STAB1: variants seen among roughly 807,000 people sequenced by gnomAD.
The protein encoded by STAB1 is stabilin 1.
STAB1 carries 250 observed loss-of-function variants against 332.4 expected under a neutral mutation model. The observed-to-expected ratio is 0.75, with a 90% CI of 0.68 to 0.84. The LOEUF (loss-of-function observed/expected upper bound fraction) is 0.84, where lower values mean the gene tolerates loss of function less well. STAB1 is among the 40% of genes least tolerant of loss of function. STAB1 has a pLI of 0.00. For synonymous variants in STAB1, 1,475 were observed against 1,390.4 expected, an observed-to-expected ratio of 1.06 and a Z score of -1.35; for missense variants, 3,249 against 3,489.7, an observed-to-expected ratio of 0.93 and a Z score of 1.74.
chr3:52,505,550 C>A, intron 14 of STAB1, 118 bp from the exon 15 acceptor site: 2 of 1,216,754 alleles, frequency 1.6e-6, no homozygotes, highest in Non-Finnish European at 2.3e-6. Flanking sequence ...ACCCATTGCC[C>A]ATGTCTCCCC....
At position 52,495,465 on chromosome 3, in the gene STAB1, G is replaced by A; in HGVS notation, c.52G>A (p.Ala18Thr). ...ACTCTGCCTCCTGGCCTTCTGCCTG[G>A]CAGGCTTCAGCTTCGTCAGGGGGCA... Reference protein sequence around the residue: ...LPLCLLAFCLAGFSFVRGQVL... With the variant: ...LPLCLLAFCLTGFSFVRGQVL... The change falls in exon 1 of 69, where the codon GCA becomes ACA. Residue 18 changes from alanine (A) to threonine (T), a missense_variant. By Grantham distance (58) the Ala-to-Thr change is moderately conservative. Transcript: ENST00000321725. 7.5e-7 allele frequency: 1 copy of A among 1,340,706 alleles called. No individual in the cohort carries two copies. Among genetic ancestry groups the A allele is most frequent in the Non-Finnish European group, 9.6e-7 (1 of 1,038,818 alleles). 83.1% of individuals were successfully genotyped at this position (1,340,706 alleles called of 1,614,324 possible).
intron 1 of STAB1, among the ~76,000 whole-genome samples, chr3:52,495,896 G>A (rs574114926): frequency 6.9e-4 from 105 of 152,308 alleles, no homozygotes; most frequent in African/African-American, 2.5e-3. Context: ...GTGTGCACAT[G>A]TGTGTGCCTG....
intron 30 of STAB1, 44 bp from the exon 31 acceptor site, chr3:52,513,673 C>T: frequency 1.9e-6 from 3 of 1,587,816 alleles, no homozygotes; most frequent in Non-Finnish European, 2.6e-6. Context: ...CTTTAAGGGT[C>T]TATCTGTGCC....
At chr3:52,514,586 C>CAACCTCT in intron 34 of STAB1, 90 bp downstream of exon 34, 1 of 1,556,442 alleles carries the variant, frequency 6.4e-7, no homozygotes, top group Non-Finnish European at 8.7e-7. Flanking sequence ...TGTGAGCCTC[C>CAACCTCT]AACCTCTAAC....
At chr3:52,502,129 G>T (rs1708495664) in intron 4 of STAB1, 30 bp from the exon 5 acceptor site, 14 of 1,613,442 alleles carry the variant, frequency 8.7e-6, no homozygotes, top group Non-Finnish European at 1.2e-5. Context: ...GCTCAGAGGG[G>T]CCACGCTGAC....
At chr3:52,513,648 T>C in intron 30 of STAB1, 69 bp from the exon 31 acceptor site, 3 of 1,501,968 alleles carry the variant, frequency 2.0e-6, no homozygotes, top group Non-Finnish European at 2.7e-6. Flanking sequence ...AGTCTCTCTG[T>C]TGGGGCTGCC....
rs762849934 is a variant in STAB1, at chr3:52,504,564, A to G, written c.1239+15A>G. ...GGACCATGAATGTAAGCCCCTCCCC[A>G]TGGTGGAGCTGGCCACTGGCCCTCA... On this transcript the variant is annotated intron_variant, in intron 11 of 68. Transcript: ENST00000321725. 1.9e-6 allele frequency: 3 copies of G among 1,613,322 alleles called. No homozygotes were observed. Among genetic ancestry groups the G allele is most frequent in the Non-Finnish European group, 2.5e-6 (3 of 1,179,632 alleles).
Position 52,503,870 on chromosome 3 carries a change from C to T in STAB1, c.990C>T (p.Ala330=). Residue 330 remains alanine (A), a synonymous_variant, in exon 9 of 69, where the codon GCC becomes GCT. Transcript: ENST00000321725. ...FCSPFSCDRS[A]TCQVTADGKT... is the part of the protein sequence containing the mutation. ...CCCCCTTCTCCTGCGACCGGTCTGC[C>T]ACTTGCCAGGTGACCGCTGATGGGA... 2 of 1,613,234 alleles carry T rather than the reference C, an allele frequency of 1.2e-6. No homozygotes were observed. Among genetic ancestry groups the T allele is most frequent in the Non-Finnish European group, 1.7e-6 (2 of 1,180,024 alleles).
chr3:52,505,298 C>G (rs1266730196), intron 13 of STAB1, 21 bp from the exon 14 acceptor site: 16 of 1,613,254 alleles, frequency 9.9e-6, no homozygotes, highest in African/African-American at 2.7e-5. Flanking sequence ...CTGGGGCCCT[C>G]ACACTCATCC....
Position 52,524,163 on chromosome 3 carries a change from T to C in STAB1, c.7606T>C (p.Ser2536Pro). Residue 2536 changes from serine (S) to proline (P), a missense_variant, in exon 68 of 69, where the codon TCT becomes CCT. Coordinates refer to ENST00000321725, the MANE Select transcript of STAB1 (RefSeq NM_015136.3). ...WQEGTNPTLV[S>P]VPNPVFGSDT... ...AGAAGGGACCAACCCCACCCTGGTC[T>C]CTGTCCCCAACCCTGTCTTTGGCAG... The C allele has an allele frequency of 6.2e-7, 1 of 1,614,090 alleles. No homozygotes were observed.
intron 1 of STAB1, among the ~76,000 whole-genome samples, chr3:52,498,476 G>A (rs1458187292): frequency 2.0e-5 from 3 of 152,268 alleles, no homozygotes; most frequent in Non-Finnish European, 4.4e-5. Flanking sequence ...AAGCACTGAT[G>A]TGGCAGCAGG....
chr3:52,507,180 G>C (rs1708937076), intron 18 of STAB1, among the ~76,000 whole-genome samples: 1 of 152,240 alleles, frequency 6.6e-6, no homozygotes, highest in African/African-American at 2.4e-5. Context: ...GAGTAGCTGG[G>C]ATTACAGGTG....
At position 52,523,941 on chromosome 3, in the gene STAB1, TGCTTG is replaced by T; in HGVS notation, c.7473_7477del (p.Leu2492GlyfsTer25). The stretch of plus-strand genomic sequence containing the variant: ...GGGGCTGTGCTTGCCGCTGGAGCAC[TGCTTG>T]GCTTGGTGGCCGGAGCTCTCTACCT... On this transcript the variant is annotated frameshift_variant, in exon 67 of 69. Transcript: ENST00000321725. LOFTEE classifies it high-confidence loss of function. 1.9e-6 allele frequency: 3 copies of T among 1,610,780 alleles called. No homozygotes were observed. The highest frequency in any genetic ancestry group is 2.5e-6 in the Non-Finnish European group (3 of 1,179,924).
rs1163743292 is a variant in STAB1 at position 52,514,391 on chromosome 3, G to A, written c.3573G>A (p.Val1191=). ...ACGCAGACACAGTGCGGCACCATGT[G>A]GTCCTGGGGGAGGCCCTCTCCATGG... ...HLDADTVRHH[V]VLGEALSMET... The change falls in exon 34 of 69, where the codon GTG becomes GTA. Residue 1191 remains valine, a synonymous_variant. Transcript: ENST00000321725. The A allele has an allele frequency of 6.5e-7, 1 of 1,548,936 alleles. No homozygotes were observed. Among genetic ancestry groups the A allele is most frequent in the Admixed American group, 1.9e-5 (1 of 52,276 alleles).
At chr3:52,520,322 A>T (rs1210696569) in intron 52 of STAB1, 32 bp downstream of exon 52, 1 of 1,612,884 alleles carries the variant, frequency 6.2e-7, no homozygotes, top group Admixed American at 1.7e-5. Flanking sequence ...GGATGAAGGG[A>T]GTAGGAGGCA....
Position 52,517,918 on chromosome 3 carries a change from G to T in STAB1, c.4676G>T (p.Ser1559Ile). ...GGCSPYATCKSTGDGQRTCTC... is the reference protein window; with the variant it reads ...GGCSPYATCKITGDGQRTCTC... ...TGCAGCCCATATGCCACCTGCAAAA[G>T]CACAGGGGATGGCCAGAGGACATGT... The change falls in exon 45 of 69, where the codon AGC becomes ATC. Residue 1559 changes from serine (S) to isoleucine (I), a missense_variant. Physicochemically the swap from Ser to Ile is moderately radical, Grantham distance 142 (BLOSUM62 -2). Coordinates refer to ENST00000321725, the MANE Select transcript of STAB1 (RefSeq NM_015136.3). 1 of 1,611,686 alleles carries T rather than the reference G, an allele frequency of 6.2e-7. No individual in the cohort carries two copies. Among genetic ancestry groups the T allele is most frequent in the African/African-American group, 1.3e-5 (1 of 74,974 alleles).
At position 52,522,674 on chromosome 3, in the gene STAB1, T is replaced by C. The variant is rs141939118; in HGVS notation, c.6730T>C (p.Ser2244Pro). 6.8e-6 allele frequency: 11 copies of C among 1,612,840 alleles called. No homozygotes were observed. The highest frequency in any genetic ancestry group is 6.8e-6 in the Non-Finnish European group (8 of 1,180,040). Reference sequence around the variant, plus strand: ...CGTCCTTGCTTCATTCCCTCAGCTCTCTGCTGCCCAGCAGGTGTGTGGGGC... The same window carrying C: ...CGTCCTTGCTTCATTCCCTCAGCTCCCTGCTGCCCAGCAGGTGTGTGGGGC... ...GAVLASFPQL[S>P]AAQQLGFHLC... is the part of the protein sequence containing the mutation. The change falls in exon 61 of 69, where the codon TCT (serine) becomes CCT (proline). Residue 2244 changes from serine (S) to proline (P), a missense_variant. Coordinates refer to ENST00000321725, the MANE Select transcript of STAB1 (RefSeq NM_015136.3).
intron 48 of STAB1, 57 bp from the exon 49 acceptor site, chr3:52,519,207 C>T: frequency 1.1e-5 from 18 of 1,575,466 alleles, no homozygotes; most frequent in Non-Finnish European, 1.5e-5. Context: ...CCTCAGGCCC[C>T]GATAGCTTCC....
rs373744584 is a variant in STAB1 at position 52,513,228 on chromosome 3, G to A, written c.3257G>A (p.Arg1086His). ...TLNPTTRWEI[R>H]NISGRVWVQN... The stretch of plus-strand genomic sequence containing the variant: ...AACCCCACCACACGCTGGGAGATTC[G>A]CAACATTAGTGGGGTATGTGGTGAA... The change falls in exon 30 of 69, where the codon CGC (arginine) becomes CAC (histidine). Residue 1086 changes from arginine (R) to histidine (H), a missense_variant. Physicochemically the swap from Arg to His is conservative, Grantham distance 29. Coordinates refer to ENST00000321725, the MANE Select transcript of STAB1 (RefSeq NM_015136.3). 7.0e-6 allele frequency: 11 copies of A among 1,579,380 alleles called. No individual in the cohort carries two copies. The highest frequency in any genetic ancestry group is 4.0e-5 in the African/African-American group (3 of 74,590).
Sources: gnomAD v4.1 joint callset for allele counts (sites outside exome capture counted in the v4.1 genomes callset) on GRCh38, gnomAD v4.1.1 for gene constraint, MANE v1.5 for transcripts, NCBI Gene and HGNC (gene_info 2026-07-23, HGNC 2026-07-21) for gene names.